The following CNNM2 variants were observed in gnomAD, a reference collection of about 807,000 sequenced individuals.
The protein encoded by CNNM2 is cyclin and CBS domain divalent metal cation transport mediator 2, also known as metal transporter CNNM2.
A neutral mutation model predicts 66.9 loss-of-function variants in CNNM2; 12 were observed. The ratio of observed to expected loss-of-function variants is 0.18; its 90% CI spans 0.11 to 0.29. The LOEUF (loss-of-function observed/expected upper bound fraction) is 0.29. CNNM2 is among the 10% of genes least tolerant of loss of function. The probability of loss-of-function intolerance (pLI) is 1.00; values close to 1 mark genes in which losing one functional copy is unlikely to be tolerated. For missense variants in CNNM2, 705 were observed against 1,167.7 expected, an observed-to-expected ratio of 0.60 and a Z score of 5.77; for synonymous variants, 557 against 501.8, an observed-to-expected ratio of 1.11 and a Z score of -1.47.
chr10:102,984,240 T>A (rs1410280516), intron 1 of CNNM2, among the ~76,000 whole-genome samples: 1 of 152,214 alleles, frequency 6.6e-6, no homozygotes, highest in Admixed American at 6.5e-5. Flanking sequence ...TTGGGAATGT[T>A]CTTTATTGTC....
chr10:102,990,275 G>A (rs565415323), intron 1 of CNNM2, among the ~76,000 whole-genome samples: 34 of 152,082 alleles, frequency 2.2e-4, no homozygotes, highest in Admixed American at 1.7e-3. Context: ...TTAAGCCACC[G>A]TGCCCGGTCT....
intron 1 of CNNM2, among the ~76,000 whole-genome samples, chr10:102,964,268 A>T (rs1380712094): frequency 2.0e-5 from 3 of 151,264 alleles, no homozygotes; most frequent in Non-Finnish European, 4.4e-5. Flanking sequence ...TTGCTGAGTC[A>T]CCCAGGCTGG....
At chr10:102,955,781 T>TC (rs1847011953) in intron 1 of CNNM2, among the ~76,000 whole-genome samples, 1 of 152,204 alleles carries the variant, frequency 6.6e-6, no homozygotes, top group African/African-American at 2.4e-5. Flanking sequence ...AAAATGCTCA[T>TC]CATCACTGGT....
chr10:103,027,916 T>C (rs919381387), intron 1 of CNNM2, among the ~76,000 whole-genome samples: 1 of 152,184 alleles, frequency 6.6e-6, no homozygotes, highest in Non-Finnish European at 1.5e-5. Context: ...TGGGAGGCCA[T>C]GAGAAGGTAA....
intron 1 of CNNM2, among the ~76,000 whole-genome samples, chr10:102,937,653 TA>T (rs1257760914): frequency 1.3e-5 from 2 of 152,166 alleles, no homozygotes; most frequent in East Asian, 1.9e-4. Context: ...TTTGCTAAAA[TA>T]AAAAGACCTT....
intron 1 of CNNM2, chr10:102,927,348 A>G: frequency 6.2e-7 from 1 of 1,613,976 alleles, no homozygotes; most frequent in African/African-American, 1.3e-5. Flanking sequence ...TTCTCAGAAC[A>G]CACAAACAAG....
chr10:103,059,512 C>T (rs2065348958), intron 4 of CNNM2, among the ~76,000 whole-genome samples: 1 of 152,148 alleles, frequency 6.6e-6, no homozygotes, highest in Admixed American at 6.5e-5. Context: ...TTACCATGTA[C>T]ATACCTCCCA....
rs2066245911 is a variant in CNNM2 at position 103,089,893 on chromosome 10, T to C, written c.*12713T>C. Reference sequence around the variant, plus strand: ...ATATCTACGTGTGTGTGCTCCACCGTTGATTCATGAGGCATCTAGACAGAA... The same window carrying C: ...ATATCTACGTGTGTGTGCTCCACCGCTGATTCATGAGGCATCTAGACAGAA... On this transcript the variant is annotated 3_prime_UTR_variant, in exon 8 of 8. Transcript: ENST00000369878. 3 of 1,604,732 alleles carry C rather than the reference T, an allele frequency of 1.9e-6. No individual in the cohort carries two copies. Among genetic ancestry groups the C allele is most frequent in the East Asian group, 2.2e-5 (1 of 44,730 alleles).
At chr10:103,050,673 G>C (rs1297680937) in intron 2 of CNNM2, among the ~76,000 whole-genome samples, 1 of 152,176 alleles carries the variant, frequency 6.6e-6, no homozygotes, top group Non-Finnish European at 1.5e-5. Context: ...TGGGTCGGGG[G>C]TGTGGGAAGC....
chr10:102,919,088 G>T lies in CNNM2; in HGVS notation c.608G>T (p.Gly203Val). Residue 203 changes from glycine (G) to valine (V), a missense_variant, in exon 1 of 8, where the codon GGC becomes GTC. By Grantham distance (109) the Gly-to-Val change is moderately radical. This residue lies in a region of CNNM2 where 100 missense variants were observed against 151.9 expected (regional missense o/e 0.66). Transcript: ENST00000369878. ...TSLSTPALGA[G>V]GSGSTGGAVG... ...CTCTCCACGCCCGCCCTGGGCGCCG[G>T]CGGCTCGGGGTCCACGGGTGGCGCC... 1.2e-6 allele frequency: 2 copies of T among 1,611,898 alleles called. No individual in the cohort carries two copies. The highest frequency in any genetic ancestry group is 1.7e-6 in the Non-Finnish European group (2 of 1,179,364).
chr10:103,025,350 A>G (rs1381330558), intron 1 of CNNM2, among the ~76,000 whole-genome samples: 1 of 152,118 alleles, frequency 6.6e-6, no homozygotes, highest in Non-Finnish European at 1.5e-5. Context: ...CGGCCTCCCA[A>G]ATTGCTGGGA....
chr10:102,932,240 G>A (rs1015294708), intron 1 of CNNM2, among the ~76,000 whole-genome samples: 13 of 151,500 alleles, frequency 8.6e-5, no homozygotes, highest in Non-Finnish European at 1.8e-4. Context: ...TTTGAGCAAC[G>A]GGGTTTTGCT....
rs1324781729 is a variant in CNNM2, at chr10:103,054,596, TG to T, written c.1903+131del. On this transcript the variant is annotated intron_variant, in intron 3 of 7. Transcript: ENST00000369878. This position sits in a 1 kb window ranked among gnomAD's most constrained non-coding sequence, Gnocchi z 5.2. ...GATAAGTAATGCCACTTTTGTGTTT[TG>T]TTTTTTTTGTTTTTTTGTTTTGTTT... 11 of 769,172 alleles carry T rather than the reference TG, an allele frequency of 1.4e-5. No individual in the cohort carries two copies. Among genetic ancestry groups the T allele is most frequent in the East Asian group, 9.3e-5 (2 of 21,496 alleles). 47.6% of individuals were successfully genotyped at this position (769,172 alleles called of 1,614,324 possible).
intron 1 of CNNM2, among the ~76,000 whole-genome samples, chr10:102,967,338 G>A (rs1016448136): frequency 2.0e-5 from 3 of 152,084 alleles, no homozygotes; most frequent in Non-Finnish European, 2.9e-5. Context: ...CCAGTGATTT[G>A]TAAAAGTAAA....
chr10:103,005,037 C>T (rs143053082), intron 1 of CNNM2, among the ~76,000 whole-genome samples: 142 of 151,996 alleles, frequency 9.3e-4, no homozygotes, highest in Non-Finnish European at 1.7e-3. Flanking sequence ...CTCAGCCTCC[C>T]GAGTAGCTGG....
chr10:103,089,498 A>G lies in CNNM2; in HGVS notation c.*12318A>G, dbSNP rs1223687028. On this transcript the variant is annotated 3_prime_UTR_variant, in exon 8 of 8. Coordinates refer to ENST00000369878, the MANE Select transcript of CNNM2 (RefSeq NM_017649.5). The stretch of plus-strand genomic sequence containing the variant: ...TTTGGACCATCTGCAGAGAGTACAG[A>G]TACACAAAACCAAAACAAGTATCTA... The G allele has an allele frequency of 8.2e-7, 1 of 1,218,250 alleles. No individual in the cohort carries two copies. Among genetic ancestry groups the G allele is most frequent in the East Asian group, 2.7e-5 (1 of 37,528 alleles). The allele number at this position is 1,218,250 out of a possible 1,614,324, so 75.5% of individuals were successfully genotyped here. A position where few individuals can be genotyped will look rare whatever the true frequency, so the allele number is the denominator to read the frequency against.
At chr10:102,981,686 C>A (rs913810723) in intron 1 of CNNM2, among the ~76,000 whole-genome samples, 5 of 152,192 alleles carry the variant, frequency 3.3e-5, no homozygotes, top group Admixed American at 1.3e-4. Flanking sequence ...CACCACCACG[C>A]CTGACCAGGG....
intron 1 of CNNM2, among the ~76,000 whole-genome samples, chr10:103,010,326 C>A (rs373506877): frequency 1.6e-4 from 24 of 152,060 alleles, no homozygotes; most frequent in African/African-American, 3.4e-4. Context: ...CAGCCTGGAC[C>A]TCCTGGGGTC....
rs576424040 is a variant in CNNM2, at chr10:103,027,516, T to C, written c.1622-22191T>C. ...CCATTCGATGCACCCAGCTGCAAAATTTTGGTATTGAGAAACTGAGCAAAC... is the reference window on the plus strand; with the variant it reads ...CCATTCGATGCACCCAGCTGCAAAACTTTGGTATTGAGAAACTGAGCAAAC... On this transcript the variant is annotated intron_variant, in intron 1 of 7. Transcript: ENST00000369878. 7.2e-5 allele frequency: 11 copies of C among 152,304 alleles called. No individual in the cohort carries two copies. In the Middle Eastern group the frequency reaches 0.01, roughly 140 times the overall value. 9.4% of individuals were successfully genotyped at this position (152,304 alleles called of 1,614,324 possible). A position where few individuals can be genotyped will look rare whatever the true frequency, so the allele number is the denominator to read the frequency against.
Sources: allele counts gnomAD v4.1 joint callset (sites outside exome capture counted in the v4.1 genomes callset), GRCh38; gene constraint gnomAD v4.1.1; regional missense constraint gnomAD v4.1.1; non-coding constraint Gnocchi (gnomAD v3.1); transcripts MANE v1.5; gene names NCBI Gene and HGNC (gene_info 2026-07-23, HGNC 2026-07-21).